RGS5: variants seen among roughly 807,000 people sequenced by gnomAD.
The protein encoded by RGS5 is regulator of G-protein signalling 5.
RGS5 carries 20 observed loss-of-function variants against 18.9 expected under a neutral mutation model. That is an observed-to-expected ratio of 1.06 (90% confidence interval 0.74 to 1.54). RGS5 has a LOEUF of 1.54. RGS5 is among the 40% of genes most tolerant of loss of function. RGS5 has a pLI of 0.00. For missense variants in RGS5, 201 were observed against 211.8 expected (o/e 0.95, Z 0.32); for synonymous variants, 57 against 76.2 (o/e 0.75, Z 1.31).
chr1:163,177,668 A>G (rs756289015), intron 1 of RGS5, among the ~76,000 whole-genome samples: 2 of 152,194 alleles, frequency 1.3e-5, no homozygotes, highest in Non-Finnish European at 2.9e-5. Context: ...GACTCCACCC[A>G]TGATCACGCA....
chr1:163,168,226 G>A (rs747458241), intron 2 of RGS5, 32 bp downstream of exon 2: 2 of 1,490,754 alleles, frequency 1.3e-6, no homozygotes, highest in South Asian at 2.3e-5. Context: ...ATCCTCTGGA[G>A]GAAATGAGTG....
intron 2 of RGS5, among the ~76,000 whole-genome samples, chr1:163,228,398 G>C (rs1647388965): frequency 6.6e-6 from 1 of 152,238 alleles, no homozygotes; most frequent in Admixed American, 6.5e-5. Context: ...GCAATGGACT[G>C]AGCTGTACTC....
intron 1 of RGS5, among the ~76,000 whole-genome samples, chr1:163,175,850 C>T (rs1658530654): frequency 6.6e-6 from 1 of 151,962 alleles, no homozygotes; most frequent in Non-Finnish European, 1.5e-5. Flanking sequence ...TCGGGTGCTC[C>T]AAATGATAAA....
intron 1 of RGS5, among the ~76,000 whole-genome samples, chr1:163,312,742 G>A (rs138658068): frequency 3.9e-4 from 59 of 152,262 alleles, no homozygotes; most frequent in African/African-American, 1.4e-3. Context: ...TTATATTTTC[G>A]CACACAGGGA....
chr1:163,236,637 C>T lies in RGS5; in HGVS notation c.-280-68269G>A, dbSNP rs1571310231. On this transcript the variant is annotated intron_variant, in intron 2 of 5. Transcript: ENST00000618415. Reference sequence around the variant, plus strand: ...AAACCAGCAATATAATAGGAAAAACCCTTGAGCAGACCCTCTACAAAGAAT... The same window carrying T: ...AAACCAGCAATATAATAGGAAAAACTCTTGAGCAGACCCTCTACAAAGAAT... 4.6e-5 allele frequency among the ~76,000 whole-genome samples: 7 copies of T among 152,028 alleles called. No homozygotes were observed. In the Middle Eastern group the frequency reaches 0.017, roughly 372 times the overall value.
chr1:163,188,893 C>T (rs550152304), intron 1 of RGS5, among the ~76,000 whole-genome samples: 1 of 138,246 alleles, frequency 7.2e-6, no homozygotes, highest in Non-Finnish European at 1.5e-5. Context: ...ACAGAGGTTG[C>T]AGTGAGCCAA....
At chr1:163,191,168 A>G (rs890209937) in intron 1 of RGS5, among the ~76,000 whole-genome samples, 6 of 152,120 alleles carry the variant, frequency 3.9e-5, no homozygotes, top group African/African-American at 1.4e-4. Context: ...AAAGAGACAG[A>G]GACTGCCGAT....
Position 163,144,592 on chromosome 1 carries a change from C to G in RGS5, c.*2750G>C, listed in dbSNP as rs536956842. ...CGCCAGTACAACAGGGTTCTTGCAT[C>G]AAGCTTCATGCTTTCCCAGACATTT... On this transcript the variant is annotated 3_prime_UTR_variant, in exon 5 of 5. Transcript: ENST00000313961. 1.3e-5 allele frequency: 2 copies of G among 152,678 alleles called. No individual in the cohort carries two copies. Among genetic ancestry groups the G allele is most frequent in the South Asian group, 4.1e-4 (2 of 4,828 alleles). The allele number at this position is 152,678 out of a possible 1,614,324, so 9.5% of individuals were successfully genotyped here.
intron 1 of RGS5, among the ~76,000 whole-genome samples, chr1:163,191,520 AGTGAAGGTGTGAAGGGCTG>A (rs1444849742): frequency 6.6e-6 from 1 of 152,320 alleles, no homozygotes; most frequent in East Asian, 1.9e-4. Flanking sequence ...AAATGGGAGC[AGTGAAGGTGTGAAGGGCTG>A]GCTTACTGCC....
chr1:163,228,374 T>A (rs1422460442), intron 2 of RGS5, among the ~76,000 whole-genome samples: 1 of 152,218 alleles, frequency 6.6e-6, no homozygotes, highest in Non-Finnish European at 1.5e-5. Context: ...GGCTTGGGGC[T>A]TTCGCCCTCT....
chr1:163,149,128 CT>C (rs1465364693), intron 4 of RGS5, among the ~76,000 whole-genome samples: 1 of 152,174 alleles, frequency 6.6e-6, no homozygotes, highest in Non-Finnish European at 1.5e-5. Flanking sequence ...GGTCAATGTA[CT>C]TTATGCAGGC....
rs796509175 is a variant in RGS5, at chr1:163,147,924, T to TTTC, written c.385-422_385-421insGAA. On this transcript the variant is annotated intron_variant, in intron 4 of 4. Transcript: ENST00000313961. ...CTGGTGCTTTTTTCTTTTTCTTTTT[T>TTTC]TTTTTTTTTTTTTTTTGTTGGATAG... Among the ~76,000 whole-genome samples, 110 of 134,418 alleles carry TTTC rather than the reference T, an allele frequency of 8.2e-4. 1 individual carries two copies. In the East Asian group the frequency reaches 0.011, roughly 14 times the overall value. The allele number at this position is 134,418 out of a possible 152,430, so 88.2% of individuals were successfully genotyped here.
intron 2 of RGS5, among the ~76,000 whole-genome samples, chr1:163,293,438 T>C (rs12123859): frequency 0.067 from 10,264 of 152,242 alleles, 366 homozygotes; most frequent in South Asian, 0.094. Context: ...GAGAACTCAC[T>C]ATCATGATAA....
intron 1 of RGS5, among the ~76,000 whole-genome samples, chr1:163,215,704 T>C (rs1042335187): frequency 1.3e-5 from 2 of 152,124 alleles, no homozygotes; most frequent in African/African-American, 4.8e-5. Flanking sequence ...AAATCTCTTC[T>C]CCAGTCTTCT....
intron 3 of RGS5, among the ~76,000 whole-genome samples, chr1:163,153,272 T>G (rs1479939923): frequency 6.6e-6 from 1 of 152,178 alleles, no homozygotes; most frequent in Non-Finnish European, 1.5e-5. Flanking sequence ...ACATGGTTCC[T>G]GTCCTAATGG....
chr1:163,181,746 G>A (rs1658857210), intron 1 of RGS5, among the ~76,000 whole-genome samples: 1 of 152,082 alleles, frequency 6.6e-6, no homozygotes. Context: ...GAAGACCAAG[G>A]AAGGTTATTT....
At chr1:163,299,937 T>C (rs1649511014) in intron 2 of RGS5, among the ~76,000 whole-genome samples, 1 of 152,206 alleles carries the variant, frequency 6.6e-6, no homozygotes, top group African/African-American at 2.4e-5. Flanking sequence ...AAATTAACCT[T>C]TCTTAAATGA....
chr1:163,224,590 A>G (rs1371274844), intron 2 of RGS5, among the ~76,000 whole-genome samples: 1 of 152,174 alleles, frequency 6.6e-6, no homozygotes, highest in African/African-American at 2.4e-5. Context: ...GCTGAGTCAT[A>G]TGGTAGTTCT....
intron 2 of RGS5, among the ~76,000 whole-genome samples, chr1:163,297,711 A>G (rs1345848611): frequency 6.6e-6 from 1 of 152,112 alleles, no homozygotes; most frequent in Non-Finnish European, 1.5e-5. Flanking sequence ...CTGCTTGTTA[A>G]CCTGTCTTTT....
Sources: allele counts gnomAD v4.1 joint callset (sites outside exome capture counted in the v4.1 genomes callset), GRCh38; gene constraint gnomAD v4.1.1; transcripts MANE v1.5; gene names NCBI Gene and HGNC (gene_info 2026-07-23, HGNC 2026-07-21).